RBSN: variants seen among roughly 807,000 people sequenced by gnomAD.
The protein encoded by RBSN is rabenosyn-5.
RBSN carries 34 observed loss-of-function variants against 60.5 expected under a neutral mutation model. That is an observed-to-expected ratio of 0.56 (90% confidence interval 0.43 to 0.75). The LOEUF (loss-of-function observed/expected upper bound fraction) is 0.75. Ranked by LOEUF, RBSN falls within the 30% of genes least tolerant of loss-of-function variation. The probability of loss-of-function intolerance (pLI) is 0.00; values close to 1 mark genes in which losing one functional copy is unlikely to be tolerated. For synonymous variants in RBSN, 322 were observed against 366.9 expected, an observed-to-expected ratio of 0.88 and a Z score of 1.40; for missense variants, 845 against 986.8, an observed-to-expected ratio of 0.86 and a Z score of 1.92.
chr3:15,075,006 T>A (rs1197183024), intron 13 of RBSN, 76 bp from the exon 14 acceptor site: 1 of 1,491,358 alleles, frequency 6.7e-7, no homozygotes, highest in East Asian at 2.3e-5. Context: ...CACCCTCTGT[T>A]GTCCCTCTAT....
intron 2 of RBSN, 130 bp from the exon 3 acceptor site, chr3:15,096,840 A>G (rs1398208674): frequency 3.3e-5 from 5 of 152,262 alleles, no homozygotes; most frequent in Admixed American, 3.3e-4. Context: ...AATCTATTTT[A>G]TATTTGTAGA....
rs764142615 is a variant in RBSN at position 15,074,912 on chromosome 3, G to T, written c.1225C>A (p.Arg409=). ...VERQAALESQ[R]RLEERQSGLA... Reference sequence around the variant, plus strand: ...CCACTCTGCCTTTCCTCAAGCCTTCGCTGGGACTCCAGGGCAGCCTGGGGA... The same window carrying T: ...CCACTCTGCCTTTCCTCAAGCCTTCTCTGGGACTCCAGGGCAGCCTGGGGA... The change falls in exon 14 of 14, where the codon CGA becomes AGA. Residue 409 remains arginine, a synonymous_variant. Transcript: ENST00000253699. This position sits in a 1 kb window ranked among gnomAD's most constrained non-coding sequence, Gnocchi z 6.4. 1.2e-6 allele frequency: 2 copies of T among 1,611,018 alleles called. No homozygotes were observed. Among genetic ancestry groups the T allele is most frequent in the Non-Finnish European group, 1.7e-6 (2 of 1,178,880 alleles).
At chr3:15,095,195 T>A (rs1176352794) in intron 4 of RBSN, among the ~76,000 whole-genome samples, 3 of 151,880 alleles carry the variant, frequency 2.0e-5, no homozygotes, top group Non-Finnish European at 4.4e-5. Context: ...TTTTTTTTTT[T>A]AATTTTTTTT....
At chr3:15,086,092 A>C (rs2043332897) in intron 5 of RBSN, 131 bp from the exon 6 acceptor site, 14 of 113,526 alleles carry the variant, frequency 1.2e-4, no homozygotes, top group South Asian at 2.9e-4. Flanking sequence ...GTCTCTCTCC[A>C]AAAAAAAAAA....
Position 15,074,786 on chromosome 3 carries a change from CCT to C in RBSN, c.1349_1350del (p.Gln450ArgfsTer4). On this transcript the variant is annotated frameshift_variant, in exon 14 of 14. Transcript: ENST00000253699. LOFTEE classifies it low-confidence loss of function (END_TRUNC). The surrounding 1 kb of genome is among the most constrained non-coding windows in gnomAD (Gnocchi z 6.4). Reference protein sequence around the residue: ...AEGWLPLSGGQGQSEDSDPLL... With the variant: ...AEGWLPLSGGXGQSEDSDPLL... Reference sequence around the variant, plus strand: ...AGCGGGTCTGAGTCCTCACTCTGCCCCTGACCTCCTGACAGTGGGAGCCAGCC... The same window carrying C: ...AGCGGGTCTGAGTCCTCACTCTGCCCGACCTCCTGACAGTGGGAGCCAGCC... 6.2e-7 allele frequency: 1 copy of C among 1,614,244 alleles called. No individual in the cohort carries two copies. Among genetic ancestry groups the C allele is most frequent in the Non-Finnish European group, 8.5e-7 (1 of 1,180,048 alleles).
Position 15,084,595 on chromosome 3 carries a change from C to G in RBSN, c.598+140G>C, listed in dbSNP as rs58022057. 0.17 allele frequency: 209,428 copies of G among 1,197,706 alleles called. 20,947 individuals are homozygous for G. The highest frequency in any genetic ancestry group is 0.45 in the East Asian group (18,725 of 41,526). 74.2% of individuals were successfully genotyped at this position (1,197,706 alleles called of 1,614,324 possible). ...AGTACCTAGTCTGTAGTGGGTTTCACAGAAACAGCAACTCAATGAATGAAG... is the reference window on the plus strand; with the variant it reads ...AGTACCTAGTCTGTAGTGGGTTTCAGAGAAACAGCAACTCAATGAATGAAG... On this transcript the variant is annotated intron_variant, in intron 8 of 13. Transcript: ENST00000253699. This position sits in a 1 kb window ranked among gnomAD's most constrained non-coding sequence, Gnocchi z 4.2.
At chr3:15,095,321 C>T (rs2043626385) in intron 4 of RBSN, among the ~76,000 whole-genome samples, 1 of 150,954 alleles carries the variant, frequency 6.6e-6, no homozygotes, top group Non-Finnish European at 1.5e-5. Context: ...ACTGTGCCCG[C>T]CCAGAGGAGC....
At chr3:15,092,228 G>A (rs991477060) in intron 4 of RBSN, among the ~76,000 whole-genome samples, 3 of 150,844 alleles carry the variant, frequency 2.0e-5, no homozygotes, top group Middle Eastern at 3.2e-3. Flanking sequence ...GCCCAGGTTC[G>A]CAGGCTGAGG....
At chr3:15,083,146 C>T (rs990715733) in intron 8 of RBSN, among the ~76,000 whole-genome samples, 4 of 152,184 alleles carry the variant, frequency 2.6e-5, no homozygotes, top group Admixed American at 6.5e-5. Flanking sequence ...GTACACTTAA[C>T]ATATCCAGCA....
Position 15,074,137 on chromosome 3 carries a change from T to G in RBSN, c.2000A>C (p.Glu667Ala). 1 of 1,614,122 alleles carries G rather than the reference T, an allele frequency of 6.2e-7. No individual in the cohort carries two copies. Among genetic ancestry groups the G allele is most frequent in the Non-Finnish European group, 8.5e-7 (1 of 1,180,008 alleles). ...TGCCACTGCTTCCTCCTCCTCGTCCTCTTCCTCGAAAGGATTGTACTCTTT... is the reference window on the plus strand; with the variant it reads ...TGCCACTGCTTCCTCCTCCTCGTCCGCTTCCTCGAAAGGATTGTACTCTTT... ...ILKEYNPFEE[E>A]DEEEEAVAGN... The change falls in exon 14 of 14, where the codon GAG (glutamate) becomes GCG (alanine). Residue 667 changes from glutamate (E) to alanine (A), a missense_variant. Transcript: ENST00000253699. This position sits in a 1 kb window ranked among gnomAD's most constrained non-coding sequence, Gnocchi z 6.4.
In RBSN at chr3:15,075,618, G is replaced by A. The variant is rs2306853; in HGVS notation, c.1194C>T (p.Ala398=). Residue 398 remains alanine (A), a synonymous_variant, in exon 13 of 14, where the codon GCC becomes GCT. Transcript: ENST00000253699. ...TGGCTTCACTCACTTGTCTCTCCAC[G>A]GCCCTCTTCCTCTCCATTTCCTCCT... ...KRKEEMERKR[A]VERQAALESQ... is the part of the protein sequence containing the mutation. 0.052 allele frequency: 84,113 copies of A among 1,613,568 alleles called. 2,605 individuals carry two copies. The highest frequency in any genetic ancestry group is 0.1 in the East Asian group (4,550 of 44,860).
rs151093603 is a variant in RBSN, at chr3:15,082,853, T to A, written c.599-245A>T. ...CTGCCACTCTCCTGCATTTGCCCTG[T>A]GCCTCCAACACAACAAACATTCTCC... On this transcript the variant is annotated intron_variant, in intron 8 of 13. Coordinates refer to ENST00000253699, the MANE Select transcript of RBSN (RefSeq NM_022340.4). This position sits in a 1 kb window ranked among gnomAD's most constrained non-coding sequence, Gnocchi z 4.2. Among the ~76,000 whole-genome samples, 689 of 152,320 alleles carry A rather than the reference T, an allele frequency of 4.5e-3. 9 individuals carry two copies. Among genetic ancestry groups the A allele is most frequent in the Middle Eastern group, 0.041 (12 of 294 alleles).
intron 5 of RBSN, among the ~76,000 whole-genome samples, chr3:15,089,456 C>CAA (rs757156425): frequency 0.18 from 5,494 of 31,340 alleles, 663 homozygotes; most frequent in Non-Finnish European, 0.25. Flanking sequence ...ACTCCATCTC[C>CAA]AAAAAAAAAA....
Position 15,090,441 on chromosome 3 carries a change from A to T in RBSN, c.247T>A (p.Tyr83Asn), listed in dbSNP as rs1223716874. The stretch of plus-strand genomic sequence containing the variant: ...CACATGTAAGGATCAACCCCTCCAT[A>T]GCTGAAAGACTCATATCCTTGGGTC... ...SGTQGYESFS[Y>N]GGVDPYMWEP... The change falls in exon 5 of 14, where the codon TAT (tyrosine) becomes AAT (asparagine). Residue 83 changes from tyrosine (Y) to asparagine (N), a missense_variant. Coordinates refer to ENST00000253699, the MANE Select transcript of RBSN (RefSeq NM_022340.4). The T allele has an allele frequency of 6.2e-7, 1 of 1,614,222 alleles. No homozygotes were observed. The highest frequency in any genetic ancestry group is 1.7e-5 in the Admixed American group (1 of 60,026).
Position 15,073,753 on chromosome 3 carries a change from G to A in RBSN, c.*29C>T, listed in dbSNP as rs772774541. On this transcript the variant is annotated 3_prime_UTR_variant, in exon 14 of 14. Coordinates refer to ENST00000253699, the MANE Select transcript of RBSN (RefSeq NM_022340.4). ...CTCCACTGGCTCCTGCCAGACCCCT[G>A]GGCCCAAAGGTGCCCTCTCCACTGC... The A allele has an allele frequency of 3.2e-6, 5 of 1,569,996 alleles. No homozygotes were observed. Among genetic ancestry groups the A allele is most frequent in the South Asian group, 1.2e-5 (1 of 83,374 alleles).
At position 15,084,713 on chromosome 3, in the gene RBSN, G is replaced by A; in HGVS notation, c.598+22C>T. On this transcript the variant is annotated intron_variant, in intron 8 of 13. Transcript: ENST00000253699. The surrounding 1 kb of genome is among the most constrained non-coding windows in gnomAD (Gnocchi z 4.2). ...GCCCAAAAGAAGATGAGGGTCCAGG[G>A]CCCCACCTCCAAGTCACCTACTTGC... The A allele has an allele frequency of 6.4e-7, 1 of 1,568,072 alleles. No homozygotes were observed. The highest frequency in any genetic ancestry group is 8.6e-7 in the Non-Finnish European group (1 of 1,158,190).
chr3:15,090,351 G>C, intron 5 of RBSN, 48 bp downstream of exon 5: 1 of 1,603,054 alleles, frequency 6.2e-7, no homozygotes, highest in Non-Finnish European at 8.5e-7. Flanking sequence ...CTAGAACATA[G>C]CAGATGCTCA....
intron 10 of RBSN, among the ~76,000 whole-genome samples, chr3:15,078,763 A>G (rs1159954051): frequency 2.0e-5 from 2 of 100,538 alleles, no homozygotes; most frequent in Non-Finnish European, 3.9e-5. Flanking sequence ...CGGTCTCAAA[A>G]AAAAAAAAAA....
In RBSN at chr3:15,077,156, ATCT is replaced by A; in HGVS notation, c.1004_1006del (p.Lys335del). On this transcript the variant is annotated inframe_deletion, in exon 12 of 14. Transcript: ENST00000253699. This position sits in a 1 kb window ranked among gnomAD's most constrained non-coding sequence, Gnocchi z 4.4. The stretch of plus-strand genomic sequence containing the variant: ...GTCCTGGTTCAAGCCCAAGGTTAAG[ATCT>A]TCTTACTGAATTGGAACAAACACAT... The A allele has an allele frequency of 6.2e-7, 1 of 1,613,928 alleles. No homozygotes were observed. Among genetic ancestry groups the A allele is most frequent in the South Asian group, 1.1e-5 (1 of 91,078 alleles).
Sources: allele counts gnomAD v4.1 joint callset (sites outside exome capture counted in the v4.1 genomes callset), GRCh38; gene constraint gnomAD v4.1.1; non-coding constraint Gnocchi (gnomAD v3.1); transcripts MANE v1.5; gene names NCBI Gene and HGNC (gene_info 2026-07-23, HGNC 2026-07-21).